TRIOBP: variants seen among roughly 807,000 people sequenced by gnomAD.
TRIOBP encodes the protein TRIO and F-actin-binding protein.
A neutral mutation model predicts 238.8 loss-of-function variants in TRIOBP; 169 were observed. That is an observed-to-expected ratio of 0.71 (90% CI 0.62 to 0.80). TRIOBP has a LOEUF of 0.80. Ranked by LOEUF, TRIOBP falls within the 30% of genes least tolerant of loss-of-function variation. TRIOBP has a pLI of 0.00. For missense variants in TRIOBP, 2,838 were observed against 3,122.6 expected (o/e 0.91, Z 2.17); for synonymous variants, 1,150 against 1,274.4 (o/e 0.90, Z 2.08).
chr22:37,708,555 A>G lies in TRIOBP; in HGVS notation c.115-1872A>G, dbSNP rs1271928156. On this transcript the variant is annotated intron_variant, in intron 3 of 23. Transcript: ENST00000644935. ...TATAAGAGCGAGACTCTGTCTCAAA[A>G]AAAAAGCCCTTTACAAATATTAACT... Among the ~76,000 whole-genome samples, 3 of 152,242 alleles carry G rather than the reference A, an allele frequency of 2.0e-5. No individual in the cohort carries two copies. In the East Asian group the frequency reaches 5.8e-4, roughly 29 times the overall value.
Position 37,734,592 on chromosome 22 carries a change from G to T in TRIOBP, c.4256G>T (p.Gly1419Val). The T allele has an allele frequency of 6.3e-7, 1 of 1,579,994 alleles. No homozygotes were observed. Among genetic ancestry groups the T allele is most frequent in the Non-Finnish European group, 8.6e-7 (1 of 1,163,226 alleles). The change falls in exon 9 of 24, where the codon GGC (glycine) becomes GTC (valine). Residue 1419 changes from glycine to valine, a missense_variant. Transcript: ENST00000644935. ...TQRPLESGQAGPRQPLGVWQS... is the reference protein window; with the variant it reads ...TQRPLESGQAVPRQPLGVWQS... ...AGACCTCTGGAGAGTGGCCAAGCAG[G>T]CCCAAGACAGCCTCTGGGGGTGTGG...
intron 5 of TRIOBP, among the ~76,000 whole-genome samples, chr22:37,714,653 A>G (rs1923425594): frequency 6.6e-6 from 1 of 151,926 alleles, no homozygotes; most frequent in African/African-American, 2.4e-5. Flanking sequence ...ACAAGAGCAA[A>G]ACTCCGTCTT....
At position 37,715,492 on chromosome 22, in the gene TRIOBP, G is replaced by A. The variant is rs150170242; in HGVS notation, c.457-271G>A. ...CAAGTAGCTGGGACTACAGGTGCCCGCCACCACGCCCAGCTAATTTTTTGT... is the reference window on the plus strand; with the variant it reads ...CAAGTAGCTGGGACTACAGGTGCCCACCACCACGCCCAGCTAATTTTTTGT... On this transcript the variant is annotated intron_variant, in intron 5 of 23. Transcript: ENST00000644935. Among the ~76,000 whole-genome samples, 1,269 of 151,908 alleles carry A rather than the reference G, an allele frequency of 8.4e-3. 16 individuals are homozygous for A. The highest frequency in any genetic ancestry group is 0.029 in the African/African-American group (1,193 of 41,418).
At chr22:37,699,789 C>T (rs1922549856) in intron 2 of TRIOBP, among the ~76,000 whole-genome samples, 1 of 152,098 alleles carries the variant, frequency 6.6e-6, no homozygotes, top group Admixed American at 6.6e-5. Context: ...GATCTGCCCG[C>T]CTCGGCCTCC....
At chr22:37,764,159 C>T (rs1181176549) in intron 17 of TRIOBP, among the ~76,000 whole-genome samples, 1 of 152,192 alleles carries the variant, frequency 6.6e-6, no homozygotes, top group Non-Finnish European at 1.5e-5. Context: ...TGATTAGCAA[C>T]CTTGATTCCC....
chr22:37,726,550 G>C (rs1033238190), intron 7 of TRIOBP, 47 bp downstream of exon 7: 1 of 1,426,708 alleles, frequency 7.0e-7, no homozygotes, highest in South Asian at 1.5e-5. Flanking sequence ...GAGGAGGCTC[G>C]GCAGCAGGAC....
Position 37,726,353 on chromosome 22 carries a change from A to G in TRIOBP, c.3797A>G (p.Glu1266Gly). The G allele has an allele frequency of 6.2e-7, 1 of 1,609,062 alleles. No homozygotes were observed. The highest frequency in any genetic ancestry group is 8.5e-7 in the Non-Finnish European group (1 of 1,178,156). The stretch of plus-strand genomic sequence containing the variant: ...CCCGGGGAGACCAGGCACAACTTGG[A>G]GCGGGAGGAGTACACTGTGCTGGCC... The part of the protein sequence containing the change: ...APPGETRHNL[E>G]REEYTVLADL... Residue 1266 changes from glutamate (E) to glycine (G), a missense_variant, in exon 7 of 24, where the codon GAG (glutamate) becomes GGG (glycine). Glu to Gly is a moderately conservative substitution (Grantham distance 98, BLOSUM62 -2). Transcript: ENST00000644935.
intron 18 of TRIOBP, among the ~76,000 whole-genome samples, chr22:37,766,128 G>C (rs191583816): frequency 1.3e-5 from 2 of 152,186 alleles, no homozygotes; most frequent in Non-Finnish European, 2.9e-5. Flanking sequence ...CCACGTGCGT[G>C]GGGGAGAGGC....
chr22:37,743,801 A>ATGTGTGTGTG (rs71195050), intron 11 of TRIOBP, among the ~76,000 whole-genome samples: 3,489 of 114,066 alleles, frequency 0.031, 113 homozygotes, highest in African/African-American at 0.035. Flanking sequence ...GAGAGAGAGA[A>ATGTGTGTGTG]TGTGTGTGTG....
At position 37,758,856 on chromosome 22, in the gene TRIOBP, C is replaced by T. The variant is rs1341892572; in HGVS notation, c.6214-298C>T. On this transcript the variant is annotated intron_variant, in intron 16 of 23. Transcript: ENST00000644935. ...GGCTCAAAGATGTTTCCTCTGTCACCTCCATGATGTGTAAACATCTGTGAC... is the reference window on the plus strand; with the variant it reads ...GGCTCAAAGATGTTTCCTCTGTCACTTCCATGATGTGTAAACATCTGTGAC... Among the ~76,000 whole-genome samples the T allele has an allele frequency of 2.6e-5, 4 of 152,302 alleles. No individual in the cohort carries two copies. The East Asian group carries it at 7.7e-4, about 29-fold the overall frequency.
intron 17 of TRIOBP, among the ~76,000 whole-genome samples, chr22:37,762,540 G>C (rs1197809346): frequency 6.6e-6 from 1 of 152,244 alleles, no homozygotes; most frequent in Admixed American, 6.5e-5. Context: ...CTGGAGTTCA[G>C]GCGGTCTGGT....
chr22:37,745,026 G>A (rs1925148432), intron 11 of TRIOBP, among the ~76,000 whole-genome samples: 1 of 151,914 alleles, frequency 6.6e-6, no homozygotes, highest in Admixed American at 6.5e-5. Context: ...CACCACGCCC[G>A]GCTAATTTTT....
chr22:37,738,609 T>C (rs748716563), intron 9 of TRIOBP, 33 bp from the exon 10 acceptor site: 3 of 1,607,328 alleles, frequency 1.9e-6, no homozygotes, highest in South Asian at 2.2e-5. Context: ...GAGAATAAGT[T>C]GGGCTAAGCT....
intron 10 of TRIOBP, 100 bp downstream of exon 10, chr22:37,738,819 A>G: frequency 7.6e-7 from 1 of 1,320,946 alleles, no homozygotes; most frequent in Non-Finnish European, 1.1e-6. Flanking sequence ...AATCAACCAG[A>G]CCAAAGTTGG....
chr22:37,716,346 C>T (rs1923519026), intron 6 of TRIOBP, among the ~76,000 whole-genome samples: 2 of 151,720 alleles, frequency 1.3e-5, no homozygotes, highest in Admixed American at 6.6e-5. Flanking sequence ...TCCCAACCTT[C>T]AGTGATCTGC....
chr22:37,724,746 C>T lies in TRIOBP; in HGVS notation c.2190C>T (p.Pro730=). The change falls in exon 7 of 24, where the codon CCC becomes CCT. Residue 730 remains proline (P), a synonymous_variant. Coordinates refer to ENST00000644935, the MANE Select transcript of TRIOBP (RefSeq NM_001039141.3). ...PRTSCARRDN[P]RASSRNRTIQ... ...CATCCTGTGCCCGACGGGACAATCC[C>T]AGAGCCTCCTCTCGCAACAGAACCA... 6.2e-7 allele frequency: 1 copy of T among 1,612,516 alleles called. No individual in the cohort carries two copies. Among genetic ancestry groups the T allele is most frequent in the Non-Finnish European group, 8.5e-7 (1 of 1,179,606 alleles).
chr22:37,719,105 A>C (rs985853855), intron 6 of TRIOBP, among the ~76,000 whole-genome samples: 1 of 149,264 alleles, frequency 6.7e-6, no homozygotes, highest in Admixed American at 6.7e-5. Flanking sequence ...CGGGATGCTG[A>C]GGCAGGAGGA....
Position 37,713,322 on chromosome 22 carries a change from T to C in TRIOBP, c.367T>C (p.Cys123Arg), listed in dbSNP as rs887401250. Reference sequence around the variant, plus strand: ...TCTGGAGGGCCTGACCACTTCCTTGTGTGGCAGCTGCAACGAGGACCCCGG... The same window carrying C: ...TCTGGAGGGCCTGACCACTTCCTTGCGTGGCAGCTGCAACGAGGACCCCGG... Reference protein sequence around the residue: ...PYLEGLTTSLCGSCNEDPGSD... With the variant: ...PYLEGLTTSLRGSCNEDPGSD... Residue 123 changes from cysteine (C) to arginine (R), a missense_variant, in exon 5 of 24, where the codon TGT (cysteine) becomes CGT (arginine). Cys to Arg is a radical substitution (Grantham distance 180). Coordinates refer to ENST00000644935, the MANE Select transcript of TRIOBP (RefSeq NM_001039141.3). 3.7e-6 allele frequency: 6 copies of C among 1,614,040 alleles called. No homozygotes were observed. Among genetic ancestry groups the C allele is most frequent in the Non-Finnish European group, 5.1e-6 (6 of 1,179,924 alleles).
At position 37,726,230 on chromosome 22, in the gene TRIOBP, G is replaced by A. The variant is rs753853192; in HGVS notation, c.3674G>A (p.Arg1225Gln). The change falls in exon 7 of 24, where the codon CGA (arginine) becomes CAA (glutamine). Residue 1225 changes from arginine to glutamine, a missense_variant. Physicochemically the swap from Arg to Gln is conservative, Grantham distance 43 (BLOSUM62 1). Transcript: ENST00000644935. ...TGCATCGGGCACCGGGATGCACCCCGAGCCTCCTCCCCACCCCGCCACCCA... is the reference window on the plus strand; with the variant it reads ...TGCATCGGGCACCGGGATGCACCCCAAGCCTCCTCCCCACCCCGCCACCCA... ...QVCIGHRDAP[R>Q]ASSPPRHPPS... 14 of 1,605,678 alleles carry A rather than the reference G, an allele frequency of 8.7e-6. No individual in the cohort carries two copies. Among genetic ancestry groups the A allele is most frequent in the South Asian group, 4.4e-5 (4 of 90,010 alleles).
Sources: allele counts gnomAD v4.1 joint callset (sites outside exome capture counted in the v4.1 genomes callset), GRCh38; gene constraint gnomAD v4.1.1; transcripts MANE v1.5; gene names NCBI Gene and HGNC (gene_info 2026-07-23, HGNC 2026-07-21).